The following LDB2 variants were observed in gnomAD, a reference collection of about 807,000 sequenced individuals.
The protein encoded by LDB2 is LIM domain binding 2.
A neutral mutation model predicts 44.3 loss-of-function variants in LDB2; 12 were observed. That is an observed-to-expected ratio of 0.27 (90% CI 0.17 to 0.44). The LOEUF (loss-of-function observed/expected upper bound fraction) is 0.44, where lower values mean the gene tolerates loss of function less well. LDB2 is among the 20% of genes least tolerant of loss of function. LDB2 has a pLI of 1.00. For missense variants in LDB2, 344 were observed against 473.5 expected, an observed-to-expected ratio of 0.73 and a Z score of 2.54; for synonymous variants, 164 against 174.8, an observed-to-expected ratio of 0.94 and a Z score of 0.49.
At chr4:16,502,928 C>T in intron 7 of LDB2, 55 bp from the exon 8 acceptor site, 2 of 1,606,510 alleles carry the variant, frequency 1.2e-6, no homozygotes, top group South Asian at 1.1e-5. Flanking sequence ...AGAAGCTCAG[C>T]TTAAAATAAC....
intron 1 of LDB2, among the ~76,000 whole-genome samples, chr4:16,760,814 T>A (rs1254708782): frequency 6.6e-6 from 1 of 152,180 alleles, no homozygotes; most frequent in Non-Finnish European, 1.5e-5. Flanking sequence ...AGTGGAGGAA[T>A]CTGCCAGGGA....
chr4:16,787,507 G>A (rs769661072), intron 1 of LDB2, among the ~76,000 whole-genome samples: 4 of 152,176 alleles, frequency 2.6e-5, no homozygotes, highest in African/African-American at 4.8e-5. Context: ...CCAGCTACTC[G>A]GGAGGCTGAG....
intron 2 of LDB2, among the ~76,000 whole-genome samples, chr4:16,693,087 C>T (rs529252751): frequency 1.1e-4 from 16 of 152,132 alleles, no homozygotes; most frequent in African/African-American, 3.9e-4. Context: ...AAATGAGTTT[C>T]GAGGGCCTTG....
At chr4:16,779,844 T>A (rs1260173925) in intron 1 of LDB2, among the ~76,000 whole-genome samples, 2 of 152,248 alleles carry the variant, frequency 1.3e-5, no homozygotes, top group African/African-American at 4.8e-5. Context: ...CTTGCTATTA[T>A]AATTGCAAGT....
At chr4:16,845,341 C>G (rs556662807) in intron 1 of LDB2, among the ~76,000 whole-genome samples, 1 of 152,322 alleles carries the variant, frequency 6.6e-6, no homozygotes, top group African/African-American at 2.4e-5. Context: ...CTGTGACTAT[C>G]CCATGGCCGC....
chr4:16,653,646 G>A (rs1738923326), intron 2 of LDB2: 1 of 152,182 alleles, frequency 6.6e-6, no homozygotes, highest in Admixed American at 6.5e-5. Flanking sequence ...AGAGGAAACA[G>A]ACTTCGTAGA....
At chr4:16,784,281 G>A (rs1255111525) in intron 1 of LDB2, among the ~76,000 whole-genome samples, 2 of 152,128 alleles carry the variant, frequency 1.3e-5, no homozygotes, top group Non-Finnish European at 2.9e-5. Context: ...CCAAGCTCCT[G>A]GAAGTCCAAA....
intron 1 of LDB2, among the ~76,000 whole-genome samples, chr4:16,817,894 T>C (rs551205952): frequency 2.6e-5 from 4 of 152,246 alleles, no homozygotes; most frequent in South Asian, 4.2e-4. Context: ...GTGTTTCTGG[T>C]TATCTATTCT....
chr4:16,698,293 G>T (rs1424209471), intron 2 of LDB2, among the ~76,000 whole-genome samples: 2 of 152,170 alleles, frequency 1.3e-5, no homozygotes, highest in African/African-American at 4.8e-5. Context: ...CATGGGGGTA[G>T]AATTATTGTA....
At chr4:16,867,063 C>T (rs953507979) in intron 1 of LDB2, among the ~76,000 whole-genome samples, 3 of 152,302 alleles carry the variant, frequency 2.0e-5, no homozygotes, top group African/African-American at 7.2e-5. Context: ...CTGTCTGGCA[C>T]AGCGTCTCTC....
chr4:16,629,662 T>A (rs1267088450), intron 2 of LDB2, among the ~76,000 whole-genome samples: 1 of 152,050 alleles, frequency 6.6e-6, no homozygotes, highest in Non-Finnish European at 1.5e-5. Context: ...CATGTTCTAA[T>A]CCACTGCAAG....
chr4:16,734,560 C>G (rs974131625), intron 2 of LDB2, among the ~76,000 whole-genome samples: 5 of 152,136 alleles, frequency 3.3e-5, no homozygotes, highest in Non-Finnish European at 4.4e-5. Context: ...TCCCCCATTT[C>G]CCTTCCATCC....
intron 1 of LDB2, among the ~76,000 whole-genome samples, chr4:16,762,288 G>T (rs1170041466): frequency 6.6e-6 from 1 of 152,154 alleles, no homozygotes; most frequent in East Asian, 1.9e-4. Flanking sequence ...CCTGGCAACA[G>T]CATCTGTCTA....
chr4:16,526,050 A>G (rs2152288506), intron 5 of LDB2, among the ~76,000 whole-genome samples: 1 of 152,324 alleles, frequency 6.6e-6, no homozygotes, highest in South Asian at 2.1e-4. Context: ...TGTCAACTTG[A>G]CTGGATTAAG....
intron 1 of LDB2, among the ~76,000 whole-genome samples, chr4:16,892,081 C>A (rs1049005676): frequency 2.6e-5 from 4 of 152,168 alleles, no homozygotes; most frequent in Non-Finnish European, 4.4e-5. Flanking sequence ...AGTATTCATA[C>A]TTGCCCAACA....
intron 5 of LDB2, among the ~76,000 whole-genome samples, chr4:16,536,829 A>T (rs927036499): frequency 1.1e-4 from 16 of 152,154 alleles, no homozygotes; most frequent in African/African-American, 3.9e-4. Flanking sequence ...TGTTAATCCC[A>T]TTTCTCTATT....
At chr4:16,504,734 C>T (rs866254272) in intron 7 of LDB2, among the ~76,000 whole-genome samples, 1 of 152,112 alleles carries the variant, frequency 6.6e-6, no homozygotes, top group African/African-American at 2.4e-5. Flanking sequence ...GCAGTGTTAC[C>T]TGTTTGGGGA....
At chr4:16,697,930 A>T (rs894046913) in intron 2 of LDB2, among the ~76,000 whole-genome samples, 2 of 152,252 alleles carry the variant, frequency 1.3e-5, no homozygotes, top group African/African-American at 4.8e-5. Flanking sequence ...CAGTGCTAGC[A>T]ACTATAAAAA....
chr4:16,578,184 C>T (rs922181112), intron 5 of LDB2, among the ~76,000 whole-genome samples: 16 of 152,046 alleles, frequency 1.1e-4, no homozygotes, highest in African/African-American at 3.9e-4. Flanking sequence ...ACCCCACAGG[C>T]ACCCCAAAAA....
Sources: gnomAD v4.1 joint callset for allele counts (sites outside exome capture counted in the v4.1 genomes callset) on GRCh38, gnomAD v4.1.1 for gene constraint, MANE v1.5 for transcripts, NCBI Gene and HGNC (gene_info 2026-07-23, HGNC 2026-07-21) for gene names.